Variants in FBXL13 observed in about 807,000 individuals in gnomAD.
FBXL13 encodes F-box and leucine-rich repeat protein 13.
Under a neutral mutation model 83.6 loss-of-function variants are expected in FBXL13, and 67 were observed. The observed-to-expected ratio is 0.80, with a 90% CI of 0.66 to 0.98. The LOEUF is 0.98. Ranked by LOEUF, FBXL13 falls within the 50% of genes least tolerant of loss-of-function variation. FBXL13 has a pLI of 0.00. For missense variants in FBXL13, 822 were observed against 866.5 expected (o/e 0.95, Z 0.64); for synonymous variants, 272 against 299.5 (o/e 0.91, Z 0.95).
At chr7:102,955,422 C>A (rs1235235281) in intron 8 of FBXL13, among the ~76,000 whole-genome samples, 3 of 151,742 alleles carry the variant, frequency 2.0e-5, no homozygotes. Flanking sequence ...GCACTAAATG[C>A]CCCAAGAGTA....
At chr7:103,018,061 G>A (rs537922719) in intron 6 of FBXL13, among the ~76,000 whole-genome samples, 11 of 152,192 alleles carry the variant, frequency 7.2e-5, no homozygotes, top group African/African-American at 1.4e-4. Flanking sequence ...AAAATGTTAA[G>A]GGCAGCCAGA....
intron 19 of FBXL13, among the ~76,000 whole-genome samples, chr7:102,815,328 G>T (rs1404107181): frequency 6.6e-6 from 1 of 152,104 alleles, no homozygotes; most frequent in Non-Finnish European, 1.5e-5. Flanking sequence ...TGTTTAAGAA[G>T]GTAGTAAGTT....
chr7:102,832,990 A>C lies in FBXL13; in HGVS notation c.1720-16T>G, dbSNP rs1264778158. 1.2e-6 allele frequency: 2 copies of C among 1,613,806 alleles called. No individual in the cohort carries two copies. The highest frequency in any genetic ancestry group is 2.2e-5 in the South Asian group (2 of 91,050). On this transcript the variant is annotated splice_polypyrimidine_tract_variant and intron_variant, in intron 17 of 19. Coordinates refer to ENST00000313221, the Ensembl canonical transcript of FBXL13. ...TGCAGAATGCCTGCAAAAAATTCCA[A>C]GGTCAAATTTTTTCTTTTCTTTAGT... is the stretch of plus-strand genomic sequence containing the variant.
intron 2 of FBXL13, among the ~76,000 whole-genome samples, chr7:103,054,168 T>C (rs1309770624): frequency 3.9e-5 from 6 of 152,182 alleles, no homozygotes; most frequent in Admixed American, 1.3e-4. Flanking sequence ...GTGGATTGCC[T>C]GAGGTCAGGA....
At chr7:103,021,658 C>A (rs533078175) in intron 6 of FBXL13, among the ~76,000 whole-genome samples, 1 of 152,230 alleles carries the variant, frequency 6.6e-6, no homozygotes, top group South Asian at 2.1e-4. Context: ...ACAACCCCAT[C>A]AAAAATGGGC....
chr7:103,021,653 C>A (rs1793190573), intron 6 of FBXL13, among the ~76,000 whole-genome samples: 1 of 152,068 alleles, frequency 6.6e-6, no homozygotes, highest in South Asian at 2.1e-4. Context: ...ATCAAACAAC[C>A]CCATCAAAAA....
chr7:102,821,987 GT>G, intron 19 of FBXL13, 52 bp downstream of exon 20: 1 of 1,566,922 alleles, frequency 6.4e-7, no homozygotes, highest in South Asian at 1.1e-5. Context: ...CATATACTAT[GT>G]TTTCTCAGAA....
intron 1 of FBXL13, among the ~76,000 whole-genome samples, chr7:103,067,732 G>A (rs546161136): frequency 1.3e-5 from 2 of 152,352 alleles, no homozygotes; most frequent in Admixed American, 1.3e-4. Context: ...GTAAGTGCAT[G>A]AGGGATCTCA....
chr7:102,962,828 G>A (rs1369461537), intron 8 of FBXL13, among the ~76,000 whole-genome samples: 2 of 134,012 alleles, frequency 1.5e-5, no homozygotes, highest in African/African-American at 5.6e-5. Flanking sequence ...TCTGGGGACT[G>A]TTGTGGGGTG....
At chr7:102,949,841 C>T (rs539736748) in intron 8 of FBXL13, among the ~76,000 whole-genome samples, 6 of 152,164 alleles carry the variant, frequency 3.9e-5, no homozygotes, top group African/African-American at 1.4e-4. Context: ...CATGGTGGCT[C>T]ACACCTGTAA....
At chr7:103,033,938 C>T (rs915561040) in intron 2 of FBXL13, among the ~76,000 whole-genome samples, 1 of 152,110 alleles carries the variant, frequency 6.6e-6, no homozygotes, top group South Asian at 2.1e-4. Context: ...TTCTCCACAT[C>T]CCCACCAGAT....
chr7:102,838,076 T>C (rs1195906763), intron 17 of FBXL13, among the ~76,000 whole-genome samples: 1 of 152,206 alleles, frequency 6.6e-6, no homozygotes, highest in Admixed American at 6.5e-5. Flanking sequence ...GCCCAGTCCT[T>C]CTTCTCACTC....
rs59828511 is a variant in FBXL13 at position 102,995,783 on chromosome 7, CTAAATAAA to C, written c.496-27674_496-27667del. Among the ~76,000 whole-genome samples, 83 of 142,658 alleles carry C rather than the reference CTAAATAAA, an allele frequency of 5.8e-4. 2 individuals carry two copies. The highest frequency in any genetic ancestry group is 1.8e-3 in the South Asian group (8 of 4,332). The allele number at this position is 142,658 out of a possible 152,430, so 93.6% of individuals were successfully genotyped here. On this transcript the variant is annotated intron_variant, in intron 6 of 19. Transcript: ENST00000313221. ...GCCTGGTGACAGAGCAAGACTCTGT[CTAAATAAA>C]TAAATAAATAAATAAATAAATAAAT... is the stretch of plus-strand genomic sequence containing the variant.
At chr7:102,861,711 G>T (rs907296513) in intron 16 of FBXL13, among the ~76,000 whole-genome samples, 1 of 152,222 alleles carries the variant, frequency 6.6e-6, no homozygotes, top group Non-Finnish European at 1.5e-5. Context: ...GCCGGGCGCG[G>T]TGGCTCATGC....
chr7:102,876,006 C>G (rs1439137614), intron 16 of FBXL13, among the ~76,000 whole-genome samples: 1 of 152,176 alleles, frequency 6.6e-6, no homozygotes, highest in African/African-American at 2.4e-5. Context: ...AACATGGAAT[C>G]TAGTTGACTT....
intron 7 of FBXL13, 97 bp from the exon 9 acceptor site, chr7:102,963,762 A>C: frequency 8.3e-7 from 1 of 1,202,720 alleles, no homozygotes; most frequent in Non-Finnish European, 1.1e-6. Context: ...AATTAAACTA[A>C]AGAGCTTCTG....
At chr7:103,069,371 C>T (rs1331102899) in intron 1 of FBXL13, among the ~76,000 whole-genome samples, 2 of 152,176 alleles carry the variant, frequency 1.3e-5, no homozygotes, top group Non-Finnish European at 2.9e-5. Context: ...TATGCCCTCC[C>T]CAAGTTTGCA....
intron 8 of FBXL13, among the ~76,000 whole-genome samples, chr7:102,953,763 A>G (rs1162892103): frequency 2.6e-5 from 4 of 152,212 alleles, no homozygotes; most frequent in African/African-American, 9.7e-5. Context: ...CCACTGTTCA[A>G]CTACCATTGC....
intron 9 of FBXL13, among the ~76,000 whole-genome samples, chr7:102,930,722 G>GT (rs1415763428): frequency 6.6e-6 from 1 of 151,928 alleles, no homozygotes; most frequent in Non-Finnish European, 1.5e-5. Flanking sequence ...TCAGCATTCC[G>GT]TAAGGCTCAA....
Sources: gnomAD v4.1 joint callset for allele counts (sites outside exome capture counted in the v4.1 genomes callset) on GRCh38, gnomAD v4.1.1 for gene constraint, MANE v1.5 for transcripts, NCBI Gene and HGNC (gene_info 2026-07-23, HGNC 2026-07-21) for gene names.